USP7: variants seen among roughly 807,000 people sequenced by gnomAD.
USP7 encodes the protein ubiquitin specific peptidase 7.
In USP7, 9 loss-of-function variants were observed where a neutral mutation model predicts 162.9. That is an observed-to-expected ratio of 0.06 (90% CI 0.03 to 0.10). The LOEUF (loss-of-function observed/expected upper bound fraction) is 0.10. USP7 is among the 10% of genes least tolerant of loss of function. The probability of loss-of-function intolerance (pLI) is 1.00; values close to 1 mark genes in which losing one functional copy is unlikely to be tolerated. For synonymous variants in USP7, 562 were observed against 475.9 expected, an observed-to-expected ratio of 1.18 and a Z score of -2.35; for missense variants, 715 against 1,373.7, an observed-to-expected ratio of 0.52 and a Z score of 7.58.
intron 11 of USP7, 38 bp downstream of exon 11, chr16:8,910,703 AGAAC>A: frequency 6.5e-7 from 1 of 1,548,102 alleles, no homozygotes; most frequent in Non-Finnish European, 8.8e-7. Flanking sequence ...AAAATAAAGA[AGAAC>A]GCTACAACAG....
At chr16:8,924,755 T>A (rs1897895983) in intron 2 of USP7, among the ~76,000 whole-genome samples, 1 of 152,212 alleles carries the variant, frequency 6.6e-6, no homozygotes, top group South Asian at 2.1e-4. Flanking sequence ...TGTCCATCAG[T>A]CCTCCTGGGA....
intron 1 of USP7, among the ~76,000 whole-genome samples, chr16:8,936,339 G>A (rs1622768): frequency 1.3e-5 from 2 of 151,906 alleles, no homozygotes; most frequent in Non-Finnish European, 2.9e-5. Context: ...CTCCCTCTGG[G>A]TTCTGCATGG....
intron 12 of USP7, among the ~76,000 whole-genome samples, chr16:8,907,933 G>A (rs2061886172): frequency 6.6e-6 from 1 of 152,206 alleles, no homozygotes; most frequent in South Asian, 2.1e-4. Flanking sequence ...CCAACTGAGA[G>A]ACAACAAAAT....
At chr16:8,916,621 A>T in intron 7 of USP7, 65 bp from the exon 8 acceptor site, 2 of 1,495,876 alleles carry the variant, frequency 1.3e-6, no homozygotes, top group Non-Finnish European at 1.8e-6. Flanking sequence ...ATTAAAAGTA[A>T]CTTAGATTGA....
At chr16:8,931,082 T>A (rs967929981) in intron 1 of USP7, among the ~76,000 whole-genome samples, 7 of 152,198 alleles carry the variant, frequency 4.6e-5, no homozygotes, top group Non-Finnish European at 1.5e-5. Context: ...GGTTTCCTAG[T>A]AATTAAAACA....
chr16:8,961,508 G>C lies in USP7; in HGVS notation c.79+1699C>G, dbSNP rs1019902197. 1.6e-3 allele frequency among the ~76,000 whole-genome samples: 214 copies of C among 134,034 alleles called. 5 individuals are homozygous for C. Among genetic ancestry groups the C allele is most frequent in the African/African-American group, 4.4e-3 (166 of 37,630 alleles). The allele number at this position is 134,034 out of a possible 152,430, so 87.9% of individuals were successfully genotyped here. A position where few individuals can be genotyped will look rare whatever the true frequency, so the allele number is the denominator to read the frequency against. On this transcript the variant is annotated intron_variant, in intron 1 of 30. Transcript: ENST00000344836. Reference sequence around the variant, plus strand: ...AATCCGTCTCAAAAAAAAAAAAGGGGGGGGGGGGCAAATACCTTGAAATTT... The same window carrying C: ...AATCCGTCTCAAAAAAAAAAAAGGGCGGGGGGGGCAAATACCTTGAAATTT...
chr16:8,943,662 T>C (rs1899148151), intron 1 of USP7, among the ~76,000 whole-genome samples: 1 of 152,194 alleles, frequency 6.6e-6, no homozygotes, highest in Non-Finnish European at 1.5e-5. Flanking sequence ...GTCTAGCATA[T>C]GGGTAGAGTC....
rs767647532 is a variant in USP7, at chr16:8,900,526, A to C, written c.2309+4T>G. Reference sequence around the variant, plus strand: ...AGTGATACAATCCTTCACAAAGTACATACTTCTGAAATACTATGATGTCAC... The same window carrying C: ...AGTGATACAATCCTTCACAAAGTACCTACTTCTGAAATACTATGATGTCAC... On this transcript the variant is annotated splice_donor_region_variant and intron_variant, in intron 21 of 30. Transcript: ENST00000344836. 8 of 1,592,048 alleles carry C rather than the reference A, an allele frequency of 5.0e-6. No individual in the cohort carries two copies. In the East Asian group the frequency reaches 1.6e-4, roughly 31 times the overall value.
intron 1 of USP7, among the ~76,000 whole-genome samples, chr16:8,938,061 C>T (rs1202259059): frequency 2.6e-5 from 4 of 152,140 alleles, no homozygotes; most frequent in Admixed American, 2.6e-4. Context: ...AATATCCTCC[C>T]TATGTCACCA....
chr16:8,908,824 G>A (rs1433987895), intron 11 of USP7, among the ~76,000 whole-genome samples: 1 of 152,174 alleles, frequency 6.6e-6, no homozygotes, highest in Non-Finnish European at 1.5e-5. Flanking sequence ...TCATTAAATG[G>A]AAAATCAGAA....
In USP7 at chr16:8,908,424, T is replaced by C. The variant is rs913574996; in HGVS notation, c.1188A>G (p.Leu396=). 6.2e-7 allele frequency: 1 copy of C among 1,612,694 alleles called. No homozygotes were observed. Among genetic ancestry groups the C allele is most frequent in the Non-Finnish European group, 8.5e-7 (1 of 1,179,608 alleles). ...LQEAEKGVKF[L]TLPPVLHLQL... is the part of the protein sequence containing the mutation. ...GTAGATGTAACACTGGTGGCAATGTTAGGAATTTCACACCTTTCTCTGCTT... is the reference window on the plus strand; with the variant it reads ...GTAGATGTAACACTGGTGGCAATGTCAGGAATTTCACACCTTTCTCTGCTT... Residue 396 remains leucine (L), a synonymous_variant, in exon 12 of 31, where the codon CTA becomes CTG. Coordinates refer to ENST00000344836, the MANE Select transcript of USP7 (RefSeq NM_003470.3).
intron 1 of USP7, among the ~76,000 whole-genome samples, chr16:8,934,491 C>T (rs74010326): frequency 0.019 from 2,881 of 152,280 alleles, 63 homozygotes; most frequent in East Asian, 0.071. Context: ...GTAAGCTCTA[C>T]CCCCCATTTT....
At chr16:8,902,007 T>C (rs1596356035) in intron 18 of USP7, 75 bp downstream of exon 18, 2 of 1,240,852 alleles carry the variant, frequency 1.6e-6, no homozygotes, top group Non-Finnish European at 2.4e-6. Flanking sequence ...GGCTTAACCC[T>C]GTGTGTTTAG....
chr16:8,895,827 T>G (rs1351130909), intron 26 of USP7, 86 bp from the exon 27 acceptor site: 2 of 948,282 alleles, frequency 2.1e-6, no homozygotes, highest in Non-Finnish European at 3.0e-6. Context: ...AGAAATAAAG[T>G]TACCACGATA....
At chr16:8,947,444 G>A (rs917125376) in intron 1 of USP7, among the ~76,000 whole-genome samples, 3 of 151,872 alleles carry the variant, frequency 2.0e-5, no homozygotes, top group Non-Finnish European at 4.4e-5. Flanking sequence ...CACCTCCCAG[G>A]TTCAAGCAAC....
chr16:8,931,102 C>G (rs576484751), intron 1 of USP7, among the ~76,000 whole-genome samples: 1 of 152,140 alleles, frequency 6.6e-6, no homozygotes, highest in Non-Finnish European at 1.5e-5. Flanking sequence ...AATTCTACAG[C>G]CAATTTTGTT....
intron 1 of USP7, among the ~76,000 whole-genome samples, chr16:8,932,752 G>C (rs1347602653): frequency 1.3e-5 from 2 of 152,184 alleles, no homozygotes; most frequent in African/African-American, 4.8e-5. Flanking sequence ...ACTGGCCCTA[G>C]AAAGTGGAGG....
At chr16:8,933,717 TGGGATTACA>T (rs1207542166) in intron 1 of USP7, among the ~76,000 whole-genome samples, 2 of 151,870 alleles carry the variant, frequency 1.3e-5, no homozygotes, top group African/African-American at 2.4e-5. Context: ...CCCAAAATGC[TGGGATTACA>T]GGCATGTGCC....
At chr16:8,929,095 G>A (rs1445807549) in intron 2 of USP7, among the ~76,000 whole-genome samples, 1 of 152,082 alleles carries the variant, frequency 6.6e-6, no homozygotes, top group African/African-American at 2.4e-5. Context: ...AGATTGCTCT[G>A]TGGGAACTAG....
Sources: gnomAD v4.1 joint callset for allele counts (sites outside exome capture counted in the v4.1 genomes callset) on GRCh38, gnomAD v4.1.1 for gene constraint, MANE v1.5 for transcripts, NCBI Gene and HGNC (gene_info 2026-07-23, HGNC 2026-07-21) for gene names.